The following ADCY5 variants were observed in gnomAD, a reference collection of about 807,000 sequenced individuals.
The protein encoded by ADCY5 is adenylate cyclase type 5.
Under a neutral mutation model 119.7 loss-of-function variants are expected in ADCY5, and 30 were observed. That is an observed-to-expected ratio of 0.25 (90% CI 0.19 to 0.34). The LOEUF (loss-of-function observed/expected upper bound fraction) is 0.34, where lower values mean the gene tolerates loss of function less well. Ranked by LOEUF, ADCY5 falls within the 10% of genes least tolerant of loss-of-function variation. ADCY5 has a pLI of 1.00. For missense variants in ADCY5, 1,324 were observed against 1,775.2 expected (o/e 0.75, Z 4.57); for synonymous variants, 753 against 762.2 (o/e 0.99, Z 0.20).
At chr3:123,360,083 A>C (rs191603721) in intron 1 of ADCY5, among the ~76,000 whole-genome samples, 1 of 150,932 alleles carries the variant, frequency 6.6e-6, no homozygotes, top group African/African-American at 2.5e-5. Context: ...TAACTATTAC[A>C]TATTTTTAAC....
At position 123,413,041 on chromosome 3, in the gene ADCY5, G is replaced by A. The variant is rs144464328; in HGVS notation, c.1134+34371C>T. ...GGAGCCCCCTGGAGACGACCTCACC[G>A]TCCTCAGCAGACACAGGCTTCATGA... On this transcript the variant is annotated intron_variant, in intron 1 of 20. Transcript: ENST00000462833. 1.6e-3 allele frequency among the ~76,000 whole-genome samples: 249 copies of A among 152,006 alleles called. 1 individual carries two copies. The highest frequency in any genetic ancestry group is 5.6e-3 in the African/African-American group (230 of 41,304).
chr3:123,393,152 C>A (rs2107589562), intron 1 of ADCY5, among the ~76,000 whole-genome samples: 1 of 152,250 alleles, frequency 6.6e-6, no homozygotes, highest in South Asian at 2.1e-4. Flanking sequence ...TACAAAAGAG[C>A]CCGGGGTCGA....
At chr3:123,421,826 G>A (rs758823090) in intron 1 of ADCY5, among the ~76,000 whole-genome samples, 3 of 152,180 alleles carry the variant, frequency 2.0e-5, no homozygotes, top group Non-Finnish European at 4.4e-5. Context: ...TTCAATGGGG[G>A]AGGACTGTGG....
intron 11 of ADCY5, among the ~76,000 whole-genome samples, chr3:123,314,962 A>G (rs1940831354): frequency 6.6e-6 from 1 of 152,226 alleles, no homozygotes; most frequent in Admixed American, 6.5e-5. Flanking sequence ...AGCAAAATGC[A>G]AGGATTTCCC....
intron 1 of ADCY5, among the ~76,000 whole-genome samples, chr3:123,384,431 G>C (rs1276745114): frequency 1.3e-5 from 2 of 152,176 alleles, no homozygotes; most frequent in African/African-American, 4.8e-5. Flanking sequence ...CCCGCAGACA[G>C]CAAGTTGGCT....
chr3:123,336,215 C>T lies in ADCY5; in HGVS notation c.1407-3540G>A, dbSNP rs528207464. Among the ~76,000 whole-genome samples, 8 of 152,336 alleles carry T rather than the reference C, an allele frequency of 5.3e-5. No individual in the cohort carries two copies. In the South Asian group the frequency reaches 1.7e-3, roughly 32 times the overall value. ...CCTGCAGAACCCCATCCTGGCCCACCCTCCGCCTCCCTGCCTCCCAGGCAC... is the reference window on the plus strand; with the variant it reads ...CCTGCAGAACCCCATCCTGGCCCACTCTCCGCCTCCCTGCCTCCCAGGCAC... On this transcript the variant is annotated intron_variant, in intron 3 of 20. Coordinates refer to ENST00000462833, the MANE Select transcript of ADCY5 (RefSeq NM_183357.3).
At chr3:123,311,827 C>T (rs553254817) in intron 12 of ADCY5, among the ~76,000 whole-genome samples, 10 of 152,116 alleles carry the variant, frequency 6.6e-5, no homozygotes, top group East Asian at 1.9e-4. Flanking sequence ...GGGTAGAGGG[C>T]GGGTATTCCA....
chr3:123,372,649 G>A (rs576940504), intron 1 of ADCY5, among the ~76,000 whole-genome samples: 124 of 152,208 alleles, frequency 8.1e-4, no homozygotes, highest in African/African-American at 2.9e-3. Context: ...AAACCACTGG[G>A]TGCCTGTGCC....
At chr3:123,309,582 T>C (rs532320847) in intron 12 of ADCY5, among the ~76,000 whole-genome samples, 2 of 152,212 alleles carry the variant, frequency 1.3e-5, no homozygotes, top group Admixed American at 6.5e-5. Context: ...AAAGCTACCT[T>C]TGAGGCTCAG....
At chr3:123,408,006 A>AT (rs1010686757) in intron 1 of ADCY5, among the ~76,000 whole-genome samples, 256 of 152,024 alleles carry the variant, frequency 1.7e-3, no homozygotes, top group African/African-American at 5.8e-3. Flanking sequence ...TTTCATCTCA[A>AT]TTTTTTAAAG....
chr3:123,339,998 G>A (rs1221895665), intron 3 of ADCY5, among the ~76,000 whole-genome samples: 1 of 152,166 alleles, frequency 6.6e-6, no homozygotes, highest in African/African-American at 2.4e-5. Flanking sequence ...TAATAAAGAT[G>A]TTTATTTTTT....
rs752831471 is a variant in ADCY5 at position 123,303,183 on chromosome 3, C to T, written c.2596G>A (p.Ala866Thr). The T allele has an allele frequency of 1.9e-6, 3 of 1,613,644 alleles. No homozygotes were observed. The African/African-American group carries it at 4.0e-5, about 22-fold the overall frequency. The change falls in exon 14 of 21, where the codon GCA becomes ACA. Residue 866 changes from alanine (A) to threonine (T), a missense_variant. Physicochemically the swap from Ala to Thr is moderately conservative, Grantham distance 58 (BLOSUM62 0). Transcript: ENST00000462833. ...CTCGCGCTGATGTTGTGCTCCTGTG[C>T]CAAGCAGCCCAGCAGGTCCCTGGAG... ...CNSRDLLGCL[A>T]QEHNISASQV...
chr3:123,345,818 C>A (rs1430355578), intron 3 of ADCY5, among the ~76,000 whole-genome samples: 1 of 114,432 alleles, frequency 8.7e-6, no homozygotes, highest in Non-Finnish European at 1.8e-5. Flanking sequence ...CTCTCTCCTG[C>A]CTCTCCTCTG....
Position 123,303,058 on chromosome 3 carries a change from G to A in ADCY5, c.2721C>T (p.Pro907=), listed in dbSNP as rs143322376. The change falls in exon 14 of 21, where the codon CCC becomes CCT. Residue 907 remains proline, a synonymous_variant. Transcript: ENST00000462833. ...CGSPWPNCNF[P]EYFTYSVLLS... ...CCAGCCCCTGTGCACCCAGTACCTC[G>A]GGGAAGTTGCAGTTGGGCCAGGGGC... The A allele has an allele frequency of 7.7e-5, 125 of 1,613,408 alleles. No individual in the cohort carries two copies. The highest frequency in any genetic ancestry group is 9.5e-5 in the Non-Finnish European group (112 of 1,179,984).
intron 1 of ADCY5, among the ~76,000 whole-genome samples, chr3:123,407,067 G>A (rs1244702129): frequency 6.6e-6 from 1 of 152,062 alleles, no homozygotes; most frequent in Non-Finnish European, 1.5e-5. Flanking sequence ...CCCTGAACTG[G>A]CTGCTCCTCT....
chr3:123,441,853 A>G (rs114232223), intron 1 of ADCY5, among the ~76,000 whole-genome samples: 3,386 of 152,190 alleles, frequency 0.022, 130 homozygotes, highest in African/African-American at 0.076. Context: ...GCCTTTTCTA[A>G]CAGCCATCCC....
At chr3:123,342,093 G>C (rs189597991) in intron 3 of ADCY5, among the ~76,000 whole-genome samples, 72 of 152,206 alleles carry the variant, frequency 4.7e-4, no homozygotes, top group Admixed American at 7.2e-4. Flanking sequence ...ATCGTGGCCG[G>C]CCCAGAATAC....
intron 13 of ADCY5, among the ~76,000 whole-genome samples, chr3:123,303,604 G>A (rs1011068410): frequency 6.6e-6 from 1 of 152,146 alleles, no homozygotes; most frequent in African/African-American, 2.4e-5. Context: ...TTGAGCCCAG[G>A]AGTTTGAGAC....
At chr3:123,422,818 G>A (rs1945326599) in intron 1 of ADCY5, among the ~76,000 whole-genome samples, 1 of 152,246 alleles carries the variant, frequency 6.6e-6, no homozygotes, top group Non-Finnish European at 1.5e-5. Flanking sequence ...TCCAAGGCCT[G>A]TGGCCATTTC....
Sources: gnomAD v4.1 joint callset for allele counts (sites outside exome capture counted in the v4.1 genomes callset) on GRCh38, gnomAD v4.1.1 for gene constraint, MANE v1.5 for transcripts, NCBI Gene and HGNC (gene_info 2026-07-23, HGNC 2026-07-21) for gene names.